The following ABCD4 variants were observed in gnomAD, a reference collection of about 807,000 sequenced individuals.
ABCD4 encodes lysosomal cobalamin transporter ABCD4.
Under a neutral mutation model 86.3 loss-of-function variants are expected in ABCD4, and 53 were observed. That is an observed-to-expected ratio of 0.61 (90% CI 0.49 to 0.77). ABCD4 has a LOEUF of 0.77. Ranked by LOEUF, ABCD4 falls within the 30% of genes least tolerant of loss-of-function variation. The pLI is 0.00. For missense variants in ABCD4, 757 were observed against 764.5 expected (o/e 0.99, Z 0.12); for synonymous variants, 328 against 313.6 (o/e 1.05, Z -0.49).
At chr14:74,299,261 G>C (rs1310194057) in intron 3 of ABCD4, 2 of 275,448 alleles carry the variant, frequency 7.3e-6, no homozygotes, top group Non-Finnish European at 1.4e-5. Flanking sequence ...CCGGAAATAA[G>C]AGTTCTAGGA....
At position 74,299,614 on chromosome 14, in the gene ABCD4, G is replaced by T; in HGVS notation, c.219C>A (p.Asn73Lys). 6.2e-7 allele frequency: 1 copy of T among 1,613,984 alleles called. No individual in the cohort carries two copies. The highest frequency in any genetic ancestry group is 8.5e-7 in the Non-Finnish European group (1 of 1,179,922). The stretch of plus-strand genomic sequence containing the variant: ...GAGTCTTAAACCCTTCCAAGTCTTT[G>T]TTTCCCAGGACCCCATAGTACTGAC... ...IPSQYYGVLG[N>K]KDLEGFKTLT... Residue 73 changes from asparagine (N) to lysine (K), a missense_variant, in exon 3 of 19, where the codon AAC (asparagine) becomes AAA (lysine). Transcript: ENST00000356924.
rs868292947 is a variant in ABCD4, at chr14:74,290,438, T to C, written c.1180A>G (p.Ile394Val). Residue 394 changes from isoleucine to valine, a missense_variant, in exon 12 of 19, where the codon ATC becomes GTC. Transcript: ENST00000356924. ...GGTTTGTCAGAGGAGGGGGCAGAGATGGAGACCCGCTCAAGGAGAAATGCT... is the reference window on the plus strand; with the variant it reads ...GGTTTGTCAGAGGAGGGGGCAGAGACGGAGACCCGCTCAAGGAGAAATGCT... ...DTAFLLERVS[I>V]SAPSSDKPLI... 8 of 1,614,018 alleles carry C rather than the reference T, an allele frequency of 5.0e-6. No homozygotes were observed. In the African/African-American group the frequency reaches 9.3e-5, roughly 19 times the overall value.
chr14:74,286,599 C>T, intron 18 of ABCD4, 70 bp from the exon 19 acceptor site: 1 of 1,611,864 alleles, frequency 6.2e-7, no homozygotes, highest in Non-Finnish European at 8.5e-7. Context: ...ACTCGGTTCT[C>T]TCTGCTACTG....
Position 74,288,018 on chromosome 14 carries a change from C to T in ABCD4, c.1560-132G>A, listed in dbSNP as rs183316731. 6,888 of 1,068,888 alleles carry T rather than the reference C, an allele frequency of 6.4e-3. 34 individuals carry two copies. The highest frequency in any genetic ancestry group is 8.4e-3 in the Non-Finnish European group (6,021 of 721,050). The allele number at this position is 1,068,888 out of a possible 1,614,324, so 66.2% of individuals were successfully genotyped here. A position where few individuals can be genotyped will look rare whatever the true frequency, so the allele number is the denominator to read the frequency against. On this transcript the variant is annotated intron_variant, in intron 16 of 18. Transcript: ENST00000356924. ...CAGGAGACAGAAGCCCCTTCCCTTTCGACCATAGGCCTACAGCCCTCACAG... is the reference window on the plus strand; with the variant it reads ...CAGGAGACAGAAGCCCCTTCCCTTTTGACCATAGGCCTACAGCCCTCACAG...
At chr14:74,287,673 G>A (rs1396329786) in intron 17 of ABCD4, 137 bp downstream of exon 17, 6 of 769,760 alleles carry the variant, frequency 7.8e-6, no homozygotes, top group Non-Finnish European at 1.3e-5. Context: ...CACGGGCAGG[G>A]CCTGCTGTCC....
Position 74,286,526 on chromosome 14 carries a change from G to T in ABCD4, c.1756C>A (p.His586Asn). The change falls in exon 19 of 19, where the codon CAT (histidine) becomes AAT (asparagine). Residue 586 changes from histidine (H) to asparagine (N), a missense_variant. Coordinates refer to ENST00000356924, the MANE Select transcript of ABCD4 (RefSeq NM_005050.4). ...VGHRQSLEKF[H>N]SLVLKLCGGG... is the part of the protein sequence containing the mutation. ...CCACAGAGTTTCAGAACCAAGGAAT[G>T]AAACTACAAGAGACCACCACCACAT... 6.2e-7 allele frequency: 1 copy of T among 1,614,240 alleles called. No homozygotes were observed. The highest frequency in any genetic ancestry group is 8.5e-7 in the Non-Finnish European group (1 of 1,180,042).
rs1030392169 is a variant in ABCD4 at position 74,292,445 on chromosome 14, C to T, written c.1029-69G>A. The T allele has an allele frequency of 1.4e-5, 22 of 1,592,150 alleles. 1 individual carries two copies. In the African/African-American group the frequency reaches 3.0e-4, roughly 21 times the overall value. On this transcript the variant is annotated intron_variant, in intron 10 of 18. Transcript: ENST00000356924. ...TGAAGGTGAACTCCTTTTCCTATCTCACACCCACGAGTACATGGTATGTCT... is the reference window on the plus strand; with the variant it reads ...TGAAGGTGAACTCCTTTTCCTATCTTACACCCACGAGTACATGGTATGTCT...
chr14:74,296,295 C>T (rs376000935), intron 5 of ABCD4, 38 bp downstream of exon 5: 4 of 1,598,038 alleles, frequency 2.5e-6, no homozygotes, highest in Non-Finnish European at 3.4e-6. Context: ...TGAGGGCCCT[C>T]TGGGGAAACA....
chr14:74,300,619 A>G (rs2140119020), intron 1 of ABCD4, among the ~76,000 whole-genome samples: 1 of 152,088 alleles, frequency 6.6e-6, no homozygotes, highest in East Asian at 1.9e-4. Flanking sequence ...ACCAAAAACA[A>G]AAAACTTAAA....
rs1261117093 is a variant in ABCD4 at position 74,286,359 on chromosome 14, T to C, written c.*102A>G. The C allele has an allele frequency of 7.7e-7, 1 of 1,291,840 alleles. No individual in the cohort carries two copies. The highest frequency in any genetic ancestry group is 1.1e-6 in the Non-Finnish European group (1 of 897,518). 80.0% of individuals were successfully genotyped at this position (1,291,840 alleles called of 1,614,324 possible). On this transcript the variant is annotated 3_prime_UTR_variant, in exon 19 of 19. Transcript: ENST00000356924. Reference sequence around the variant, plus strand: ...ACCCATGTGGCTCCTGCACGGGATCTATGTGGCGAACCTGAGCTCGATCTT... The same window carrying C: ...ACCCATGTGGCTCCTGCACGGGATCCATGTGGCGAACCTGAGCTCGATCTT...
At chr14:74,298,513 C>T (rs1463965881) in intron 3 of ABCD4, among the ~76,000 whole-genome samples, 9 of 152,124 alleles carry the variant, frequency 5.9e-5, no homozygotes, top group Non-Finnish European at 8.8e-5. Context: ...TCAGGTGATC[C>T]GCCCGCCTCG....
chr14:74,289,111 CAAAAAAAAAAAAAAA>C (rs60498100), intron 14 of ABCD4: 16 of 764,182 alleles, frequency 2.1e-5, no homozygotes, highest in African/African-American at 3.6e-5. Context: ...AACTCCATCT[CAAAAAAAAAAAAAAA>C]AAAAAAAAAA....
intron 17 of ABCD4, 41 bp from the exon 18 acceptor site, chr14:74,286,857 C>T (rs1355140667): frequency 1.9e-6 from 3 of 1,576,056 alleles, no homozygotes; most frequent in Admixed American, 1.7e-5. Context: ...AAAGCCCTGC[C>T]CTCTGCCGCC....
At chr14:74,288,117 T>C (rs1227282102) in intron 16 of ABCD4, 90 bp downstream of exon 16, 41 of 1,425,532 alleles carry the variant, frequency 2.9e-5, no homozygotes, top group Non-Finnish European at 3.8e-5. Flanking sequence ...GACTTTGGGG[T>C]CAGGAGCCGT....
At chr14:74,289,227 A>G in intron 14 of ABCD4, 4 of 1,328,326 alleles carry the variant, frequency 3.0e-6, no homozygotes, top group African/African-American at 1.5e-5. Context: ...GCAGATCTTC[A>G]TAAGGGAAGG....
Position 74,302,551 on chromosome 14 carries a change from G to T in ABCD4, c.38+324C>A, listed in dbSNP as rs77618148. 1.4e-4 allele frequency among the ~76,000 whole-genome samples: 22 copies of T among 152,320 alleles called. No homozygotes were observed. The East Asian group carries it at 4.3e-3, about 29-fold the overall frequency. Reference sequence around the variant, plus strand: ...GGAGCCTTGCATTGGCCCACAGGGTGTCAAGAACTGAGAAGGATCAACTCA... The same window carrying T: ...GGAGCCTTGCATTGGCCCACAGGGTTTCAAGAACTGAGAAGGATCAACTCA... On this transcript the variant is annotated intron_variant, in intron 1 of 18. Coordinates refer to ENST00000356924, the MANE Select transcript of ABCD4 (RefSeq NM_005050.4).
chr14:74,287,799 C>G lies in ABCD4; in HGVS notation c.1636+11G>C, dbSNP rs191057710. 1.2e-6 allele frequency: 2 copies of G among 1,606,992 alleles called. No individual in the cohort carries two copies. The highest frequency in any genetic ancestry group is 4.5e-5 in the East Asian group (2 of 44,472). ...GCGCATGGCATGTGCAGCCACAAGG[C>G]GAGACCTCACCTGCGTACTTCGGCT... On this transcript the variant is annotated intron_variant, in intron 17 of 18. Transcript: ENST00000356924.
At chr14:74,298,375 G>C (rs550026003) in intron 3 of ABCD4, among the ~76,000 whole-genome samples, 1 of 152,144 alleles carries the variant, frequency 6.6e-6, no homozygotes, top group African/African-American at 2.4e-5. Flanking sequence ...AGTTTCAAGC[G>C]ATTCTCCTGC....
chr14:74,293,973 G>C (rs2082199885), intron 7 of ABCD4: 1 of 152,166 alleles, frequency 6.6e-6, no homozygotes, highest in Admixed American at 6.5e-5. Context: ...GGCCACAGAA[G>C]AACTCATCTG....
Sources: gnomAD v4.1 joint callset for allele counts (sites outside exome capture counted in the v4.1 genomes callset) on GRCh38, gnomAD v4.1.1 for gene constraint, MANE v1.5 for transcripts, NCBI Gene and HGNC (gene_info 2026-07-23, HGNC 2026-07-21) for gene names.